CDH11: variants seen among roughly 807,000 people sequenced by gnomAD.
The protein encoded by CDH11 is cadherin-11.
A neutral mutation model predicts 67.8 loss-of-function variants in CDH11; 11 were observed. The observed-to-expected ratio is 0.16, with a 90% CI of 0.10 to 0.27. The LOEUF (loss-of-function observed/expected upper bound fraction) is 0.27. Among genes scored for constraint, CDH11 ranks in the 10% least tolerant of loss-of-function variants. The pLI is 1.00. For missense variants in CDH11, 847 were observed against 1,031.2 expected (o/e 0.82, Z 2.45); for synonymous variants, 419 against 400.0 (o/e 1.05, Z -0.57).
At position 65,114,561 on chromosome 16, in the gene CDH11, C is replaced by T. The variant is rs139985434; in HGVS notation, c.-298+7319G>A. 6.0e-3 allele frequency among the ~76,000 whole-genome samples: 917 copies of T among 152,114 alleles called. 9 individuals carry two copies. The highest frequency in any genetic ancestry group is 0.021 in the African/African-American group (884 of 41,498). ...TAGATGAGGTACCGAGTAGAGCGTCCGGCACACAGTAGGATCTCAAAAAGT... is the reference window on the plus strand; with the variant it reads ...TAGATGAGGTACCGAGTAGAGCGTCTGGCACACAGTAGGATCTCAAAAAGT... On this transcript the variant is annotated intron_variant, in intron 1 of 12. Coordinates refer to ENST00000268603, the MANE Select transcript of CDH11 (RefSeq NM_001797.4).
At chr16:65,113,723 A>G (rs2142888975) in intron 1 of CDH11, among the ~76,000 whole-genome samples, 1 of 152,192 alleles carries the variant, frequency 6.6e-6, no homozygotes, top group South Asian at 2.1e-4. Flanking sequence ...GAGCAGCCTG[A>G]TATGGTGACT....
intron 1 of CDH11, among the ~76,000 whole-genome samples, chr16:65,102,527 C>G (rs971668251): frequency 1.3e-5 from 2 of 152,228 alleles, no homozygotes; most frequent in South Asian, 4.1e-4. Context: ...CCATATGACC[C>G]TGGCCTGTAG....
At chr16:65,020,610 G>T (rs2073404382) in intron 2 of CDH11, among the ~76,000 whole-genome samples, 1 of 152,198 alleles carries the variant, frequency 6.6e-6, no homozygotes, top group African/African-American at 2.4e-5. Flanking sequence ...GATTACAGGT[G>T]TGAGCCATGA....
At chr16:65,087,895 AATC>A (rs1247793653) in intron 1 of CDH11, among the ~76,000 whole-genome samples, 1 of 152,200 alleles carries the variant, frequency 6.6e-6, no homozygotes, top group Non-Finnish European at 1.5e-5. Context: ...AACAGTAATT[AATC>A]ATCATGGAAG....
At position 64,993,051 on chromosome 16, in the gene CDH11, A is replaced by G. The variant is rs781633429; in HGVS notation, c.524-17T>C. ...CTGACGTTCCTTAAAAGTGAAATAAATTAATTAGCAACATCTCCTCAGATT... is the reference window on the plus strand; with the variant it reads ...CTGACGTTCCTTAAAAGTGAAATAAGTTAATTAGCAACATCTCCTCAGATT... On this transcript the variant is annotated splice_polypyrimidine_tract_variant and intron_variant, in intron 4 of 12. Transcript: ENST00000268603. 6.3e-7 allele frequency: 1 copy of G among 1,599,792 alleles called. No individual in the cohort carries two copies. The highest frequency in any genetic ancestry group is 2.2e-5 in the East Asian group (1 of 44,746).
chr16:65,109,573 C>T (rs1021745218), intron 1 of CDH11, among the ~76,000 whole-genome samples: 1 of 152,202 alleles, frequency 6.6e-6, no homozygotes, highest in Non-Finnish European at 1.5e-5. Flanking sequence ...CGACTTGAGG[C>T]CACTTGTCCA....
chr16:65,057,490 G>A (rs186032283), intron 1 of CDH11, among the ~76,000 whole-genome samples: 15 of 152,258 alleles, frequency 9.9e-5, no homozygotes, highest in South Asian at 2.1e-4. Context: ...AAGGAACACC[G>A]TGAAGCCAGA....
intron 2 of CDH11, among the ~76,000 whole-genome samples, chr16:65,036,231 A>C (rs2073751494): frequency 1.3e-5 from 2 of 152,128 alleles, no homozygotes; most frequent in South Asian, 4.2e-4. Flanking sequence ...TCATTTTAAC[A>C]ATTTGACTTT....
rs1450797201 is a variant in CDH11 at position 64,946,188 on chromosome 16, T to C, written c.*1415A>G. 1.9e-6 allele frequency: 2 copies of C among 1,051,808 alleles called. No individual in the cohort carries two copies. Among genetic ancestry groups the C allele is most frequent in the African/African-American group, 3.3e-5 (2 of 60,302 alleles). 65.2% of individuals were successfully genotyped at this position (1,051,808 alleles called of 1,614,324 possible). A position where few individuals can be genotyped will look rare whatever the true frequency, so the allele number is the denominator to read the frequency against. The stretch of plus-strand genomic sequence containing the variant: ...CGCCCATTCTCATTAAAACATAAAA[T>C]GCCACATCATTTTACAATTAGTTAA... On this transcript the variant is annotated 3_prime_UTR_variant, in exon 13 of 13. Transcript: ENST00000268603.
At chr16:64,952,932 C>A (rs2071401027) in intron 11 of CDH11, among the ~76,000 whole-genome samples, 1 of 151,970 alleles carries the variant, frequency 6.6e-6, no homozygotes, top group African/African-American at 2.4e-5. Context: ...GGTTATAGGA[C>A]CCTCCCCTGA....
intron 2 of CDH11, among the ~76,000 whole-genome samples, chr16:65,037,510 T>C (rs2073776049): frequency 6.6e-6 from 1 of 152,182 alleles, no homozygotes; most frequent in African/African-American, 2.4e-5. Context: ...GTGACAGTCA[T>C]TGGTTTAAGT....
At position 64,998,951 on chromosome 16, in the gene CDH11, A is replaced by T; in HGVS notation, c.229-95T>A. On this transcript the variant is annotated intron_variant, in intron 3 of 12. Transcript: ENST00000268603. ...TTGCAACAATCTGCTGCGCACACACACACGTCATGAAAGGGAGATGTTCTC... is the reference window on the plus strand; with the variant it reads ...TTGCAACAATCTGCTGCGCACACACTCACGTCATGAAAGGGAGATGTTCTC... The T allele has an allele frequency of 9.4e-6, 9 of 957,432 alleles. No individual in the cohort carries two copies. The South Asian group carries it at 1.2e-4, about 13-fold the overall frequency. 59.3% of individuals were successfully genotyped at this position (957,432 alleles called of 1,614,324 possible).
intron 1 of CDH11, among the ~76,000 whole-genome samples, chr16:65,085,757 C>T (rs893977936): frequency 2.0e-5 from 3 of 152,174 alleles, no homozygotes; most frequent in Admixed American, 6.5e-5. Flanking sequence ...TGTGTGGTTA[C>T]GTGCCTTATA....
intron 2 of CDH11, among the ~76,000 whole-genome samples, chr16:65,027,985 T>C (rs2073567519): frequency 6.6e-6 from 1 of 152,088 alleles, no homozygotes; most frequent in Admixed American, 6.5e-5. Context: ...AATAACATAA[T>C]TAAAAATTAA....
Position 65,004,893 on chromosome 16 carries a change from G to A in CDH11, c.-24C>T. ...ATTTTTGGTTACGTGGTAGGCACAG[G>A]AGAATGCAGCTGTCACCCCTTCCAC... On this transcript the variant is annotated 5_prime_UTR_variant, in exon 3 of 13. Coordinates refer to ENST00000268603, the MANE Select transcript of CDH11 (RefSeq NM_001797.4). 1.3e-6 allele frequency: 2 copies of A among 1,490,592 alleles called. No homozygotes were observed. The highest frequency in any genetic ancestry group is 1.8e-6 in the Non-Finnish European group (2 of 1,114,028). 92.3% of individuals were successfully genotyped at this position (1,490,592 alleles called of 1,614,324 possible).
At chr16:65,021,575 T>C (rs1052779231) in intron 2 of CDH11, among the ~76,000 whole-genome samples, 175 of 149,156 alleles carry the variant, frequency 1.2e-3, no homozygotes, top group African/African-American at 4.0e-3. Context: ...CACACATATA[T>C]ATATATATAT....
chr16:65,097,151 A>C (rs1422084260), intron 1 of CDH11, among the ~76,000 whole-genome samples: 1 of 152,194 alleles, frequency 6.6e-6, no homozygotes, highest in African/African-American at 2.4e-5. Context: ...AACTCATTTC[A>C]GCTATTGGGA....
rs1421550363 is a variant in CDH11 at position 64,944,670 on chromosome 16, G to C, written c.*2933C>G. ...TATATTTTTAAGCAATTCTCCAAGA[G>C]GTGCAAATAAACTACTCTTTTATCT... On this transcript the variant is annotated 3_prime_UTR_variant, in exon 13 of 13. Transcript: ENST00000268603. 4.3e-5 allele frequency: 10 copies of C among 231,686 alleles called. No homozygotes were observed. Among genetic ancestry groups the C allele is most frequent in the African/African-American group, 2.0e-4 (9 of 45,210 alleles). 14.4% of individuals were successfully genotyped at this position (231,686 alleles called of 1,614,324 possible). A position where few individuals can be genotyped will look rare whatever the true frequency, so the allele number is the denominator to read the frequency against.
At chr16:65,088,013 T>G (rs2074731402) in intron 1 of CDH11, among the ~76,000 whole-genome samples, 1 of 152,132 alleles carries the variant, frequency 6.6e-6, no homozygotes, top group African/African-American at 2.4e-5. Context: ...TCCTCAAAAT[T>G]TATTTATGTT....
Sources: gnomAD v4.1 joint callset for allele counts (sites outside exome capture counted in the v4.1 genomes callset) on GRCh38, gnomAD v4.1.1 for gene constraint, MANE v1.5 for transcripts, NCBI Gene and HGNC (gene_info 2026-07-23, HGNC 2026-07-21) for gene names.